The following GRID2 variants were observed in gnomAD, a reference collection of about 807,000 sequenced individuals.
GRID2 encodes the protein glutamate receptor ionotropic, delta-2.
In GRID2, 33 loss-of-function variants were observed where a neutral mutation model predicts 114.8. The observed-to-expected ratio is 0.29, with a 90% CI of 0.22 to 0.38. The LOEUF (loss-of-function observed/expected upper bound fraction) is 0.38. GRID2 is among the 10% of genes least tolerant of loss of function. The pLI is 1.00. For missense variants in GRID2, 1,184 were observed against 1,257.7 expected (o/e 0.94, Z 0.89); for synonymous variants, 505 against 449.9 (o/e 1.12, Z -1.55).
chr4:93,611,883 T>C, intron 13 of GRID2, among the ~76,000 whole-genome samples: 1 of 151,728 alleles, frequency 6.6e-6, no homozygotes, highest in Admixed American at 6.6e-5. Flanking sequence ...TGACTTTCTG[T>C]CTCATGGATC....
At chr4:92,569,687 A>G (rs62307854) in intron 1 of GRID2, among the ~76,000 whole-genome samples, 1 of 151,930 alleles carries the variant, frequency 6.6e-6, no homozygotes, top group African/African-American at 2.4e-5. Context: ...ATGGTATCTC[A>G]TTGTCATTTT....
At chr4:92,750,925 T>C (rs895249426) in intron 2 of GRID2, among the ~76,000 whole-genome samples, 1 of 152,204 alleles carries the variant, frequency 6.6e-6, no homozygotes, top group African/African-American at 2.4e-5. Flanking sequence ...TCATATTGTA[T>C]CAATCAAATA....
intron 1 of GRID2, among the ~76,000 whole-genome samples, chr4:92,315,804 C>T (rs545767731): frequency 4.6e-5 from 7 of 151,612 alleles, no homozygotes; most frequent in Admixed American, 1.3e-4. Flanking sequence ...AACCCCGTCT[C>T]TACTAAAAAT....
chr4:92,885,117 G>T (rs1364555669), intron 2 of GRID2: 12 of 311,606 alleles, frequency 3.9e-5, no homozygotes, highest in South Asian at 3.4e-4. Flanking sequence ...ATTTAAGTAA[G>T]TTAAACTTGA....
chr4:92,309,172 C>T, intron 1 of GRID2, among the ~76,000 whole-genome samples: 1 of 151,850 alleles, frequency 6.6e-6, no homozygotes, highest in East Asian at 1.9e-4. Context: ...AAATAAAAGC[C>T]AATTGAAATT....
intron 9 of GRID2, among the ~76,000 whole-genome samples, chr4:93,410,743 C>G (rs1767039682): frequency 6.6e-6 from 1 of 152,206 alleles, no homozygotes; most frequent in African/African-American, 2.4e-5. Context: ...GCCAACATGC[C>G]TGGCTAATTT....
At chr4:92,863,296 G>A (rs1744652201) in intron 2 of GRID2, among the ~76,000 whole-genome samples, 1 of 151,952 alleles carries the variant, frequency 6.6e-6, no homozygotes, top group Admixed American at 6.6e-5. Context: ...ATTTTGCACT[G>A]TCCTCTTTGT....
chr4:92,630,716 C>T (rs1730764700), intron 2 of GRID2, among the ~76,000 whole-genome samples: 1 of 151,990 alleles, frequency 6.6e-6, no homozygotes, highest in Non-Finnish European at 1.5e-5. Flanking sequence ...TGTCAGTTTC[C>T]TCTAGTGAGG....
intron 2 of GRID2, among the ~76,000 whole-genome samples, chr4:92,854,784 T>C (rs1394717279): frequency 6.6e-6 from 1 of 151,922 alleles, no homozygotes; most frequent in Non-Finnish European, 1.5e-5. Flanking sequence ...ATGTAAATAA[T>C]AAAAAAATTT....
chr4:93,466,807 G>T (rs752710706), intron 11 of GRID2, among the ~76,000 whole-genome samples: 3 of 152,140 alleles, frequency 2.0e-5, no homozygotes, highest in African/African-American at 4.8e-5. Context: ...TTTAAAACAT[G>T]TTAATAACTA....
At chr4:92,645,162 C>T (rs1579752679) in intron 2 of GRID2, among the ~76,000 whole-genome samples, 1 of 151,416 alleles carries the variant, frequency 6.6e-6, no homozygotes. Context: ...AAATTTGAAG[C>T]ATTTGTTTTA....
In GRID2 at chr4:92,713,470, CATATACATATATATAT is replaced by C. The variant is rs1326675304; in HGVS notation, c.244+123190_244+123205del. Reference sequence around the variant, plus strand: ...GACAGTTTACATATATTTACATATACATATACATATATATATATATATATATATATATATATATATA... The same window carrying C: ...GACAGTTTACATATATTTACATATACATATATATATATATATATATATATA... On this transcript the variant is annotated intron_variant, in intron 2 of 15. Coordinates refer to ENST00000282020, the MANE Select transcript of GRID2 (RefSeq NM_001510.4). 2.9e-3 allele frequency among the ~76,000 whole-genome samples: 217 copies of C among 74,862 alleles called. 2 individuals are homozygous for C. The highest frequency in any genetic ancestry group is 8.7e-3 in the African/African-American group (170 of 19,460). 49.1% of individuals were successfully genotyped at this position (74,862 alleles called of 152,430 possible). A position where few individuals can be genotyped will look rare whatever the true frequency, so the allele number is the denominator to read the frequency against.
At chr4:93,448,857 T>TGCCC in intron 10 of GRID2, among the ~76,000 whole-genome samples, 1 of 22,312 alleles carries the variant, frequency 4.5e-5, no homozygotes, top group African/African-American at 2.5e-4. Context: ...TTCCCTTCCC[T>TGCCC]TCCCCTTCCC....
intron 2 of GRID2, among the ~76,000 whole-genome samples, chr4:93,053,231 GAT>G (rs1161495966): frequency 6.6e-6 from 1 of 151,902 alleles, no homozygotes; most frequent in Non-Finnish European, 1.5e-5. Flanking sequence ...CACCTTCCCA[GAT>G]ATGTTATGTG....
rs527995902 is a variant in GRID2, at chr4:92,882,783, C to T, written c.245-202212C>T. On this transcript the variant is annotated intron_variant, in intron 2 of 15. Transcript: ENST00000282020. ...CTGCAATCTGTTAATTATTCAATAGCATATGTCTAAAAAATGTACATATTT... is the reference window on the plus strand; with the variant it reads ...CTGCAATCTGTTAATTATTCAATAGTATATGTCTAAAAAATGTACATATTT... Among the ~76,000 whole-genome samples, 4 of 152,162 alleles carry T rather than the reference C, an allele frequency of 2.6e-5. 1 individual carries two copies. Among genetic ancestry groups the T allele is most frequent in the African/African-American group, 9.7e-5 (4 of 41,446 alleles).
chr4:93,615,090 C>T (rs1018102962), intron 13 of GRID2, among the ~76,000 whole-genome samples: 1 of 152,038 alleles, frequency 6.6e-6, no homozygotes, highest in African/African-American at 2.4e-5. Flanking sequence ...TGTGATGACA[C>T]CAAGCTAAAT....
At chr4:92,359,666 C>T (rs551542742) in intron 1 of GRID2, among the ~76,000 whole-genome samples, 13 of 152,048 alleles carry the variant, frequency 8.5e-5, no homozygotes, top group South Asian at 2.1e-4. Context: ...AAACATCAGG[C>T]GCTACTGAGA....
intron 1 of GRID2, among the ~76,000 whole-genome samples, chr4:92,537,490 G>T (rs1358286467): frequency 1.3e-5 from 2 of 152,156 alleles, no homozygotes; most frequent in African/African-American, 4.8e-5. Context: ...ATTTAAAGCA[G>T]TTGTTTTAAT....
At chr4:92,948,170 A>C (rs1164153105) in intron 2 of GRID2, among the ~76,000 whole-genome samples, 1 of 151,938 alleles carries the variant, frequency 6.6e-6, no homozygotes, top group Non-Finnish European at 1.5e-5. Flanking sequence ...TGCTTGTTAC[A>C]TAAATAGTCT....
Sources: allele counts gnomAD v4.1 joint callset (sites outside exome capture counted in the v4.1 genomes callset), GRCh38; gene constraint gnomAD v4.1.1; transcripts MANE v1.5; gene names NCBI Gene and HGNC (gene_info 2026-07-23, HGNC 2026-07-21).